Variants in GNG12 observed in about 807,000 individuals in gnomAD.
GNG12 encodes guanine nucleotide-binding protein G(I)/G(S)/G(O) subunit gamma-12.
For synonymous variants in GNG12, 28 were observed against 29.7 expected (o/e 0.94, Z 0.19); for missense variants, 69 against 83.8 (o/e 0.82, Z 0.69).
At chr1:67,741,119 A>C (rs1233611011) in intron 2 of GNG12, among the ~76,000 whole-genome samples, 2 of 152,226 alleles carry the variant, frequency 1.3e-5, no homozygotes, top group Non-Finnish European at 2.9e-5. Context: ...TTTGAACCTC[A>C]GTTCATTTTT....
chr1:67,806,589 G>C (rs1238900360), intron 1 of GNG12, among the ~76,000 whole-genome samples: 1 of 151,766 alleles, frequency 6.6e-6, no homozygotes, highest in African/African-American at 2.4e-5. Context: ...GACTGTAAAG[G>C]GATAGAGAAA....
At chr1:67,754,444 A>C (rs1646556562) in intron 2 of GNG12, among the ~76,000 whole-genome samples, 1 of 152,032 alleles carries the variant, frequency 6.6e-6, no homozygotes, top group East Asian at 1.9e-4. Flanking sequence ...TCTGTCTCCA[A>C]GTCCTGCTTA....
chr1:67,722,043 T>C (rs959595525), intron 2 of GNG12, among the ~76,000 whole-genome samples: 1 of 152,028 alleles, frequency 6.6e-6, no homozygotes, highest in Non-Finnish European at 1.5e-5. Context: ...AGCCCTAGCA[T>C]CTGACCCACA....
intron 2 of GNG12, among the ~76,000 whole-genome samples, chr1:67,773,601 C>G (rs1055648819): frequency 6.6e-6 from 1 of 152,104 alleles, no homozygotes; most frequent in Admixed American, 6.6e-5. Flanking sequence ...AGGAGAGAGA[C>G]ATGGAGCAAG....
At chr1:67,812,507 C>T (rs1295947457) in intron 1 of GNG12, among the ~76,000 whole-genome samples, 1 of 152,128 alleles carries the variant, frequency 6.6e-6, no homozygotes, top group Non-Finnish European at 1.5e-5. Flanking sequence ...CCATCTACTC[C>T]ACTCATGTCA....
At position 67,705,456 on chromosome 1, in the gene GNG12, A is replaced by G. The variant is rs1383113262; in HGVS notation, c.214T>C (p.Leu72=). The change falls in exon 4 of 4, where the codon TTA becomes CTA. Residue 72 remains leucine, a synonymous_variant. Transcript: ENST00000370982. ...PFKDKKTCII[L] The stretch of plus-strand genomic sequence containing the variant: ...GGAGCTGTTTCTCTATTCCACTATA[A>G]GATGATGCAAGTTTTTTTATCCTTG... 7.4e-6 allele frequency: 12 copies of G among 1,613,854 alleles called. No homozygotes were observed. Among genetic ancestry groups the G allele is most frequent in the Non-Finnish European group, 1.0e-5 (12 of 1,179,958 alleles).
At chr1:67,824,507 C>CT (rs1647000688) in intron 1 of GNG12, among the ~76,000 whole-genome samples, 1 of 41,762 alleles carries the variant, frequency 2.4e-5, no homozygotes, top group Non-Finnish European at 4.3e-5. Context: ...GAGATCCTGT[C>CT]TCAAAAAAAA....
rs1196338722 is a variant in GNG12 at position 67,704,284 on chromosome 1, T to C, written c.*1167A>G. On this transcript the variant is annotated 3_prime_UTR_variant, in exon 4 of 4. Coordinates refer to ENST00000370982, the MANE Select transcript of GNG12 (RefSeq NM_018841.6). ...CAAGGTAGGGATGAAACTGCAGATG[T>C]CTGAAAAGAGCTTAAGCATCCTGAC... 1 of 152,188 alleles carries C rather than the reference T, an allele frequency of 6.6e-6. No homozygotes were observed. Among genetic ancestry groups the C allele is most frequent in the East Asian group, 1.9e-4 (1 of 5,196 alleles). The allele number at this position is 152,188 out of a possible 1,614,324, so 9.4% of individuals were successfully genotyped here.
At chr1:67,710,806 T>C (rs1646290688) in intron 2 of GNG12, among the ~76,000 whole-genome samples, 1 of 152,190 alleles carries the variant, frequency 6.6e-6, no homozygotes. Context: ...AGAGGCTCCC[T>C]GCTCCCTTCC....
intron 2 of GNG12, among the ~76,000 whole-genome samples, chr1:67,758,950 AG>A (rs910286134): frequency 1.3e-5 from 2 of 152,194 alleles, no homozygotes; most frequent in African/African-American, 4.8e-5. Context: ...AGAAAGAATA[AG>A]TTTTAGTATC....
intron 1 of GNG12, among the ~76,000 whole-genome samples, chr1:67,782,581 G>C (rs1220567043): frequency 1.3e-5 from 2 of 152,102 alleles, no homozygotes; most frequent in Admixed American, 6.6e-5. Flanking sequence ...GTTTTTAATT[G>C]AGGAACTGGT....
At chr1:67,832,548 C>G (rs1048907054) in intron 1 of GNG12, 1 of 152,016 alleles carries the variant, frequency 6.6e-6, no homozygotes, top group Non-Finnish European at 1.5e-5. Flanking sequence ...ATTGATATGC[C>G]CTAATTAAAA....
At chr1:67,732,928 T>C (rs146120033) in intron 2 of GNG12, among the ~76,000 whole-genome samples, 1 of 152,186 alleles carries the variant, frequency 6.6e-6, no homozygotes. Flanking sequence ...AAGCGCTTTA[T>C]CATGGCCAAG....
intron 2 of GNG12, among the ~76,000 whole-genome samples, chr1:67,715,235 A>C (rs1010788415): frequency 1.3e-5 from 2 of 152,170 alleles, no homozygotes; most frequent in Admixed American, 1.3e-4. Flanking sequence ...CTACTAATAA[A>C]TGCCAAGAGT....
At chr1:67,753,479 C>T (rs1460191642) in intron 2 of GNG12, among the ~76,000 whole-genome samples, 1 of 152,100 alleles carries the variant, frequency 6.6e-6, no homozygotes, top group Non-Finnish European at 1.5e-5. Context: ...ACAAGTCCTG[C>T]GACTGGAGGA....
intron 1 of GNG12, among the ~76,000 whole-genome samples, chr1:67,797,814 C>A (rs748284971): frequency 1.3e-5 from 2 of 152,120 alleles, no homozygotes; most frequent in Non-Finnish European, 2.9e-5. Context: ...ACGAGAGAAC[C>A]ATCCCCTCGG....
chr1:67,727,013 G>A (rs74080850), intron 2 of GNG12, among the ~76,000 whole-genome samples: 4,577 of 152,212 alleles, frequency 0.03, 200 homozygotes, highest in African/African-American at 0.094. Context: ...AAAGAAGTGC[G>A]CCAAGTGCCT....
chr1:67,762,640 GATTCACTC>G (rs930707121), intron 2 of GNG12, among the ~76,000 whole-genome samples: 1 of 152,160 alleles, frequency 6.6e-6, no homozygotes, highest in Admixed American at 6.5e-5. Context: ...CGCAGAGTAA[GATTCACTC>G]AGATTTTTGA....
intron 2 of GNG12, among the ~76,000 whole-genome samples, chr1:67,770,130 AG>A (rs1358501863): frequency 6.6e-6 from 1 of 152,222 alleles, no homozygotes; most frequent in Admixed American, 6.5e-5. Context: ...TTCCAAAGCA[AG>A]GGATCTGATC....
Sources: allele counts gnomAD v4.1 joint callset (sites outside exome capture counted in the v4.1 genomes callset), GRCh38; gene constraint gnomAD v4.1.1; transcripts MANE v1.5; gene names NCBI Gene and HGNC (gene_info 2026-07-23, HGNC 2026-07-21).